Variants in SMAD3 observed in about 807,000 individuals in gnomAD.
SMAD3 encodes SMAD family member 3, also known as MAD homolog 3.
Under a neutral mutation model 51.8 loss-of-function variants are expected in SMAD3, and 12 were observed. The observed-to-expected ratio is 0.23, with a 90% CI of 0.15 to 0.38. The LOEUF (loss-of-function observed/expected upper bound fraction) is 0.38. SMAD3 is among the 10% of genes least tolerant of loss of function. The pLI is 1.00. For missense variants in SMAD3, 294 were observed against 565.6 expected (o/e 0.52, Z 4.87); for synonymous variants, 238 against 227.7 (o/e 1.05, Z -0.41).
At position 67,110,889 on chromosome 15, in the gene SMAD3, T is replaced by C. The variant is rs555841884; in HGVS notation, c.206+44529T>C. On this transcript the variant is annotated intron_variant, in intron 1 of 8. Transcript: ENST00000327367. ...AGATGTCCGTAATGTTAACATCTTG[T>C]ATTACCATGGTACACATGTCAAAAC... Among the ~76,000 whole-genome samples, 4 of 152,378 alleles carry C rather than the reference T, an allele frequency of 2.6e-5. No individual in the cohort carries two copies. The East Asian group carries it at 7.7e-4, about 29-fold the overall frequency.
At chr15:67,090,912 C>T (rs1595893551) in intron 1 of SMAD3, among the ~76,000 whole-genome samples, 1 of 152,218 alleles carries the variant, frequency 6.6e-6, no homozygotes, top group Non-Finnish European at 1.5e-5. Flanking sequence ...GCCCCTCCCT[C>T]CCTACTTGAA....
Position 67,190,739 on chromosome 15 carries a change from C to T in SMAD3, c.*203C>T. On this transcript the variant is annotated 3_prime_UTR_variant, in exon 9 of 9. Coordinates refer to ENST00000327367, the MANE Select transcript of SMAD3 (RefSeq NM_005902.4). ...TATGAACAGCTGTGTCTGCCAAACA[C>T]ATTTACCCTTTGGCCCCACTTTGAA... 2 of 620,386 alleles carry T rather than the reference C, an allele frequency of 3.2e-6. No homozygotes were observed. The highest frequency in any genetic ancestry group is 5.7e-6 in the Non-Finnish European group (2 of 349,370). 38.4% of individuals were successfully genotyped at this position (620,386 alleles called of 1,614,324 possible). A position where few individuals can be genotyped will look rare whatever the true frequency, so the allele number is the denominator to read the frequency against.
Position 67,190,786 on chromosome 15 carries a change from C to A in SMAD3, c.*250C>A, listed in dbSNP as rs754034578. On this transcript the variant is annotated 3_prime_UTR_variant, in exon 9 of 9. Transcript: ENST00000327367. ...TGAAGGGCAAGAAATGGCGTCTGCT[C>A]TGGTGGCTTAAGTGAGCAGAACAGG... The A allele has an allele frequency of 1.3e-4, 73 of 563,934 alleles. No homozygotes were observed. Among genetic ancestry groups the A allele is most frequent in the Non-Finnish European group, 2.1e-4 (66 of 313,142 alleles). The allele number at this position is 563,934 out of a possible 1,614,324, so 34.9% of individuals were successfully genotyped here.
intron 1 of SMAD3, among the ~76,000 whole-genome samples, chr15:67,073,914 C>G (rs922080956): frequency 7.9e-5 from 12 of 152,216 alleles, no homozygotes; most frequent in Admixed American, 2.0e-4. Flanking sequence ...CTCAAGTGAT[C>G]TGCCCGCCTC....
At position 67,125,852 on chromosome 15, in the gene SMAD3, G is replaced by A. The variant is rs1229242827; in HGVS notation, c.207-39043G>A. The A allele has an allele frequency of 5.1e-6, 5 of 985,456 alleles. No individual in the cohort carries two copies. In the East Asian group the frequency reaches 3.4e-4, roughly 66 times the overall value. The allele number at this position is 985,456 out of a possible 1,614,324, so 61.0% of individuals were successfully genotyped here. A position where few individuals can be genotyped will look rare whatever the true frequency, so the allele number is the denominator to read the frequency against. On this transcript the variant is annotated intron_variant, in intron 1 of 8. Coordinates refer to ENST00000327367, the MANE Select transcript of SMAD3 (RefSeq NM_005902.4). ...CATGTGGGCAAGAGCCGCGGCACTG[G>A]GGTAATTTATTGCCGCCGCTCGCTT...
chr15:67,083,711 T>C (rs1960325078), intron 1 of SMAD3, among the ~76,000 whole-genome samples: 1 of 152,204 alleles, frequency 6.6e-6, no homozygotes, highest in South Asian at 2.1e-4. Flanking sequence ...CCAGCTGCTC[T>C]CTGGACAATA....
chr15:67,150,096 A>G (rs143347377), intron 1 of SMAD3, among the ~76,000 whole-genome samples: 67 of 152,304 alleles, frequency 4.4e-4, no homozygotes, highest in African/African-American at 1.2e-3. Context: ...AAATGTCCCA[A>G]CCATACTGTG....
Position 67,180,972 on chromosome 15 carries a change from CTAAA to C in SMAD3, c.659-236_659-233del, listed in dbSNP as rs60300820. ...GCAGGCGGGGCAGGGCCTTTATGAG[CTAAA>C]TAAATAAATAAATAAATAAATAAAT... On this transcript the variant is annotated intron_variant, in intron 5 of 8. Transcript: ENST00000327367. Among the ~76,000 whole-genome samples the C allele has an allele frequency of 0.064, 9,339 of 145,914 alleles. 369 individuals are homozygous for C. The highest frequency in any genetic ancestry group is 0.18 in the South Asian group (828 of 4,546).
chr15:67,100,216 C>T (rs1234891614), intron 1 of SMAD3, among the ~76,000 whole-genome samples: 1 of 148,628 alleles, frequency 6.7e-6, no homozygotes, highest in Non-Finnish European at 1.5e-5. Context: ...GAAGTATGTG[C>T]CACAACATGG....
intron 3 of SMAD3, chr15:67,165,888 C>G (rs993428389): frequency 2.1e-4 from 35 of 165,144 alleles, no homozygotes; most frequent in South Asian, 6.8e-4. Context: ...TGGGCTTTGC[C>G]GTCAAAGACT....
intron 1 of SMAD3, chr15:67,126,087 T>TG: frequency 5.7e-6 from 3 of 525,512 alleles, no homozygotes; most frequent in Non-Finnish European, 7.3e-6. Context: ...CCTTAGGGAA[T>TG]TGCGTAGTTT....
intron 1 of SMAD3, among the ~76,000 whole-genome samples, chr15:67,138,809 G>C (rs1006190333): frequency 6.6e-6 from 1 of 152,344 alleles, no homozygotes; most frequent in South Asian, 2.1e-4. Context: ...CTCCCTGGAA[G>C]ATGTGAAAAC....
At chr15:67,172,954 A>G (rs1381922894) in intron 5 of SMAD3, among the ~76,000 whole-genome samples, 1 of 152,052 alleles carries the variant, frequency 6.6e-6, no homozygotes, top group East Asian at 1.9e-4. Context: ...TCACTCCCTC[A>G]TTCCCAGATA....
intron 1 of SMAD3, among the ~76,000 whole-genome samples, chr15:67,100,211 A>C (rs1213922167): frequency 6.7e-6 from 1 of 149,832 alleles, no homozygotes; most frequent in Admixed American, 6.6e-5. Context: ...GGAATGAAGT[A>C]TGTGCCACAA....
chr15:67,070,337 C>G (rs1960026223), intron 1 of SMAD3, among the ~76,000 whole-genome samples: 1 of 152,128 alleles, frequency 6.6e-6, no homozygotes, highest in African/African-American at 2.4e-5. Flanking sequence ...GATGAGGGAT[C>G]TGACTCAGCT....
chr15:67,151,230 C>A (rs996087169), intron 1 of SMAD3, among the ~76,000 whole-genome samples: 1 of 152,136 alleles, frequency 6.6e-6, no homozygotes, highest in East Asian at 1.9e-4. Flanking sequence ...TACCTTGCCA[C>A]CTCTAAGCCT....
intron 1 of SMAD3, among the ~76,000 whole-genome samples, chr15:67,109,121 C>T (rs1037250540): frequency 2.0e-5 from 3 of 152,138 alleles, no homozygotes; most frequent in Non-Finnish European, 4.4e-5. Context: ...AAATACTTGT[C>T]GAAGAATGCA....
At chr15:67,184,400 C>A (rs1413382619) in intron 6 of SMAD3, among the ~76,000 whole-genome samples, 3 of 152,190 alleles carry the variant, frequency 2.0e-5, no homozygotes, top group Non-Finnish European at 4.4e-5. Flanking sequence ...AGCCACCGCG[C>A]CTGGCCCCCA....
intron 1 of SMAD3, among the ~76,000 whole-genome samples, chr15:67,160,386 A>G (rs988829015): frequency 1.3e-5 from 2 of 152,202 alleles, no homozygotes; most frequent in Non-Finnish European, 2.9e-5. Context: ...TGCTTCTCTA[A>G]TGATCAACAT....
Sources: gnomAD v4.1 joint callset for allele counts (sites outside exome capture counted in the v4.1 genomes callset) on GRCh38, gnomAD v4.1.1 for gene constraint, MANE v1.5 for transcripts, NCBI Gene and HGNC (gene_info 2026-07-23, HGNC 2026-07-21) for gene names.